KCTD1: variants seen among roughly 807,000 people sequenced by gnomAD.
The protein encoded by KCTD1 is potassium channel tetramerization domain containing 1, also known as BTB/POZ domain-containing protein KCTD1.
Under a neutral mutation model 66.0 loss-of-function variants are expected in KCTD1, and 24 were observed. The ratio of observed to expected loss-of-function variants is 0.36; its 90% CI spans 0.26 to 0.51. KCTD1 has a LOEUF of 0.51. Ranked by LOEUF, KCTD1 falls within the 20% of genes least tolerant of loss-of-function variation. The pLI is 0.95. For missense variants in KCTD1, 943 were observed against 1,205.2 expected, an observed-to-expected ratio of 0.78 and a Z score of 3.22; for synonymous variants, 511 against 517.2, an observed-to-expected ratio of 0.99 and a Z score of 0.16.
chr18:26,545,051 C>T (rs1305995037), intron 1 of KCTD1: 1 of 152,136 alleles, frequency 6.6e-6, no homozygotes, highest in Non-Finnish European at 1.5e-5. Flanking sequence ...CAAAACAAAA[C>T]CAATGAAACG....
intron 1 of KCTD1, among the ~76,000 whole-genome samples, chr18:26,651,838 G>A (rs11083178): frequency 0.65 from 97,568 of 149,252 alleles, 32,796 homozygotes; most frequent in African/African-American, 0.81. Flanking sequence ...AGTGTACAGA[G>A]TCTAATAAAG....
At chr18:26,629,540 A>T (rs1188113194), upstream of KCTD1, among the ~76,000 whole-genome samples, 1 of 152,220 alleles carries the variant, frequency 6.6e-6, no homozygotes, top group East Asian at 1.9e-4. Flanking sequence ...AGGTTTCCCG[A>T]GAGCACAGAG....
At position 26,465,833 on chromosome 18, in the gene KCTD1, C is replaced by G. The variant is rs190168498; in HGVS notation, c.2134-5908G>C. ...GATGGTGCCGGGGTGGGGCTGGCTG[C>G]TCTTCCATCCTCCCAGTCCTGCCTC... On this transcript the variant is annotated intron_variant, in intron 3 of 4. Transcript: ENST00000580059. Among the ~76,000 whole-genome samples the G allele has an allele frequency of 2.1e-3, 315 of 152,298 alleles. 2 individuals carry two copies. The highest frequency in any genetic ancestry group is 7.3e-3 in the African/African-American group (304 of 41,570).
chr18:26,471,973 C>T (rs562953403), intron 3 of KCTD1, among the ~76,000 whole-genome samples: 37 of 152,136 alleles, frequency 2.4e-4, no homozygotes, highest in African/African-American at 7.2e-4. Flanking sequence ...GTTAAGATGA[C>T]GGATGCGCTG....
Position 26,501,129 on chromosome 18 carries a change from A to G in KCTD1, c.1931T>C (p.Val644Ala), listed in dbSNP as rs1328657955. 1 of 1,614,242 alleles carries G rather than the reference A, an allele frequency of 6.2e-7. No homozygotes were observed. The highest frequency in any genetic ancestry group is 8.5e-7 in the Non-Finnish European group (1 of 1,180,050). ...GCTGCTGGTGTACATGTGGCCGCCC[A>G]CATCAATGTGGACAGGCGCATTGGA... ...TKSNAPVHID[V>A]GGHMYTSSLA... Residue 644 changes from valine (V) to alanine (A), a missense_variant, in exon 2 of 5, where the codon GTG becomes GCG. This residue lies in a region of KCTD1 where 41 missense variants were observed against 103.8 expected (regional missense o/e 0.39). Coordinates refer to ENST00000580059, the MANE Select transcript of KCTD1 (RefSeq NM_001142730.3).
At chr18:26,609,675 T>C (rs567503627) in intron 1 of KCTD1, among the ~76,000 whole-genome samples, 3 of 152,256 alleles carry the variant, frequency 2.0e-5, no homozygotes, top group African/African-American at 7.2e-5. Flanking sequence ...ATGCTAAGAC[T>C]GTTAACATGT....
intron 1 of KCTD1, chr18:26,599,332 G>C (rs1301208931): frequency 1.5e-5 from 20 of 1,357,064 alleles, no homozygotes; most frequent in Middle Eastern, 2.5e-4. Context: ...GAGAAGCCGG[G>C]AGCGAGCCCA....
intron 1 of KCTD1, among the ~76,000 whole-genome samples, chr18:26,585,173 T>C (rs1023335604): frequency 6.6e-6 from 1 of 152,174 alleles, no homozygotes; most frequent in African/African-American, 2.4e-5. Flanking sequence ...GCCCCACCTG[T>C]GTAGCCAGGA....
upstream of KCTD1, among the ~76,000 whole-genome samples, chr18:26,550,346 T>A (rs943094936): frequency 6.6e-5 from 10 of 152,016 alleles, no homozygotes; most frequent in East Asian, 1.7e-3. The surrounding 1 kb of genome is among the most constrained non-coding windows in gnomAD (Gnocchi z 5.4). Flanking sequence ...TTTTTTTTTT[T>A]AAGAAAGAAT....
intron 1 of KCTD1, among the ~76,000 whole-genome samples, chr18:26,521,822 G>A (rs1168648850): frequency 1.3e-5 from 2 of 152,144 alleles, no homozygotes; most frequent in Non-Finnish European, 2.9e-5. Context: ...CTGGGACATG[G>A]GAGGGGAGCT....
At chr18:26,563,637 G>T (rs1598943138) in intron 1 of KCTD1, among the ~76,000 whole-genome samples, 1 of 152,312 alleles carries the variant, frequency 6.6e-6, no homozygotes, top group East Asian at 1.9e-4. Flanking sequence ...CGAGTGTATG[G>T]GCTCTGGCAC....
At chr18:26,620,785 G>A (rs1987363007) in intron 1 of KCTD1, among the ~76,000 whole-genome samples, 1 of 150,572 alleles carries the variant, frequency 6.6e-6, no homozygotes, top group Non-Finnish European at 1.5e-5. Context: ...AAGGGTGGTG[G>A]TGTAGCTTTA....
chr18:26,475,129 C>T (rs1274982327), intron 3 of KCTD1, among the ~76,000 whole-genome samples: 1 of 152,128 alleles, frequency 6.6e-6, no homozygotes. Context: ...CAGAATGACA[C>T]CTTTAAATTA....
chr18:26,650,301 G>A (rs1037970193), intron 1 of KCTD1, among the ~76,000 whole-genome samples: 7 of 152,128 alleles, frequency 4.6e-5, no homozygotes, highest in African/African-American at 1.2e-4. Flanking sequence ...TTATTCTTGC[G>A]TCCCCTGAAA....
At chr18:26,554,530 G>A (rs62087059) in intron 1 of KCTD1, among the ~76,000 whole-genome samples, 11,049 of 152,192 alleles carry the variant, frequency 0.073, 557 homozygotes, top group African/African-American at 0.14. Flanking sequence ...CAAAAGGAAC[G>A]CCCACAAATT....
intron 1 of KCTD1, among the ~76,000 whole-genome samples, chr18:26,528,450 C>G (rs758596416): frequency 3.9e-4 from 59 of 152,310 alleles, no homozygotes; most frequent in Middle Eastern, 6.8e-3. Context: ...CCTGCCATGC[C>G]TATACTCCGC....
At chr18:26,531,844 A>T (rs1416310802) in intron 1 of KCTD1, among the ~76,000 whole-genome samples, 1 of 152,238 alleles carries the variant, frequency 6.6e-6, no homozygotes, top group Non-Finnish European at 1.5e-5. Context: ...CTCATTCTCC[A>T]AAGCTAATCC....
At chr18:26,522,675 T>A (rs1406142299) in intron 1 of KCTD1, among the ~76,000 whole-genome samples, 1 of 152,162 alleles carries the variant, frequency 6.6e-6, no homozygotes, top group Non-Finnish European at 1.5e-5. Flanking sequence ...CCCATTACCA[T>A]CCTCTTCTGA....
intron 3 of KCTD1, among the ~76,000 whole-genome samples, chr18:26,465,927 C>T (rs530185121): frequency 2.0e-4 from 31 of 152,350 alleles, no homozygotes; most frequent in Non-Finnish European, 4.0e-4. Context: ...CACCAGACCA[C>T]GGATACAGCC....
Sources: gnomAD v4.1 joint callset for allele counts (sites outside exome capture counted in the v4.1 genomes callset) on GRCh38, gnomAD v4.1.1 for gene constraint, gnomAD v4.1.1 regional missense constraint, Gnocchi (gnomAD v3.1) non-coding constraint, MANE v1.5 for transcripts, NCBI Gene and HGNC (gene_info 2026-07-23, HGNC 2026-07-21) for gene names.